The following SEMA3A variants were observed in gnomAD, a reference collection of about 807,000 sequenced individuals.
The protein encoded by SEMA3A is semaphorin-3A.
SEMA3A carries 29 observed loss-of-function variants against 97.9 expected under a neutral mutation model. That is an observed-to-expected ratio of 0.30 (90% confidence interval 0.22 to 0.40). The LOEUF is 0.40. Ranked by LOEUF, SEMA3A falls within the 10% of genes least tolerant of loss-of-function variation. The pLI is 1.00. For synonymous variants in SEMA3A, 321 were observed against 323.7 expected, an observed-to-expected ratio of 0.99 and a Z score of 0.09; for missense variants, 763 against 951.3, an observed-to-expected ratio of 0.80 and a Z score of 2.60.
chr7:84,215,103 C>G (rs969376712), intron 3 of SEMA3A, among the ~76,000 whole-genome samples: 2 of 152,024 alleles, frequency 1.3e-5, no homozygotes, highest in Non-Finnish European at 2.9e-5. Flanking sequence ...GAACTCCTGA[C>G]CTCACGATTT....
intron 12 of SEMA3A, among the ~76,000 whole-genome samples, chr7:83,996,639 A>T (rs1325857800): frequency 6.6e-6 from 1 of 152,184 alleles, no homozygotes; most frequent in Admixed American, 6.6e-5. Flanking sequence ...AACACTTTTT[A>T]AAAGTATTTA....
At chr7:84,296,306 T>C (rs922536943) in intron 3 of SEMA3A, among the ~76,000 whole-genome samples, 4 of 152,196 alleles carry the variant, frequency 2.6e-5, no homozygotes, top group African/African-American at 4.8e-5. Flanking sequence ...GATGTAATTA[T>C]ATCAAAATGG....
intron 4 of SEMA3A, among the ~76,000 whole-genome samples, chr7:84,095,148 A>G (rs1366237476): frequency 6.8e-6 from 1 of 147,786 alleles, no homozygotes; most frequent in African/African-American, 2.5e-5. Flanking sequence ...TGCATATTAT[A>G]TATTGTATAT....
Position 84,060,601 on chromosome 7 carries a change from A to G in SEMA3A, c.454-43T>C, listed in dbSNP as rs764284822. 4 of 1,313,236 alleles carry G rather than the reference A, an allele frequency of 3.0e-6. No homozygotes were observed. The South Asian group carries it at 6.0e-5, about 20-fold the overall frequency. 81.3% of individuals were successfully genotyped at this position (1,313,236 alleles called of 1,614,324 possible). A position where few individuals can be genotyped will look rare whatever the true frequency, so the allele number is the denominator to read the frequency against. On this transcript the variant is annotated intron_variant, in intron 4 of 16. Coordinates refer to ENST00000265362, the MANE Select transcript of SEMA3A (RefSeq NM_006080.3). ...AAAGAGAAAAGGGTTTCCTTTATAT[A>G]TAAAAATGAGTGTTTTCAACACATC...
At chr7:84,039,997 A>G (rs1014849028) in intron 6 of SEMA3A, among the ~76,000 whole-genome samples, 3 of 152,064 alleles carry the variant, frequency 2.0e-5, no homozygotes, top group African/African-American at 7.2e-5. Context: ...ATAGTAGAGT[A>G]GATATATGAA....
rs1169045665 is a variant in SEMA3A at position 84,391,578 on chromosome 7, AG to A, written c.-245-19679del. ...TGGAAATGTACTTCACTTCCAGGAC[AG>A]GATTTTCTGCTGTTATTATCTAGCA... On this transcript the variant is annotated intron_variant, in intron 1 of 3. Coordinates refer to the SEMA3A transcript ENST00000424555. 5.9e-5 allele frequency among the ~76,000 whole-genome samples: 9 copies of A among 152,260 alleles called. No homozygotes were observed. The South Asian group carries it at 1.7e-3, about 28-fold the overall frequency.
intron 1 of SEMA3A, among the ~76,000 whole-genome samples, chr7:84,447,159 C>T (rs1008711558): frequency 6.6e-6 from 1 of 152,202 alleles, no homozygotes; most frequent in Non-Finnish European, 1.5e-5. Flanking sequence ...ATGCCAGCCC[C>T]CTGCCGCTTC....
intron 12 of SEMA3A, among the ~76,000 whole-genome samples, chr7:83,987,212 T>C (rs740947): frequency 0.11 from 16,794 of 151,764 alleles, 1,425 homozygotes; most frequent in African/African-American, 0.23. Context: ...AAATCTTGTT[T>C]GCAGGTTTGG....
rs1788367492 is a variant in SEMA3A, at chr7:83,958,974, C to T, written c.*2397G>A. 6.6e-6 allele frequency: 1 copy of T among 152,062 alleles called. No individual in the cohort carries two copies. Among genetic ancestry groups the T allele is most frequent in the East Asian group, 1.9e-4 (1 of 5,176 alleles). 9.4% of individuals were successfully genotyped at this position (152,062 alleles called of 1,614,324 possible). ...AATAATTCTTTTTCGTGCAAACTGC[C>T]CCCTCTCAATACACATGGGCAGAGA... On this transcript the variant is annotated 3_prime_UTR_variant, in exon 17 of 17. Coordinates refer to ENST00000265362, the MANE Select transcript of SEMA3A (RefSeq NM_006080.3).
intron 1 of SEMA3A, among the ~76,000 whole-genome samples, chr7:84,408,073 C>G (rs947661114): frequency 2.0e-5 from 3 of 152,150 alleles, no homozygotes; most frequent in Admixed American, 2.0e-4. Context: ...AGCTTCTGCA[C>G]AGCAAAGAAA....
intron 3 of SEMA3A, among the ~76,000 whole-genome samples, chr7:84,253,079 C>T (rs565069114): frequency 4.6e-5 from 7 of 151,930 alleles, no homozygotes; most frequent in South Asian, 4.2e-4. Flanking sequence ...GGTTTCACCA[C>T]GTTGGCTAGG....
chr7:84,308,746 C>T (rs566376530), intron 2 of SEMA3A, among the ~76,000 whole-genome samples: 2 of 151,964 alleles, frequency 1.3e-5, no homozygotes, highest in Non-Finnish European at 1.5e-5. Flanking sequence ...GGAAGCGGCA[C>T]TGAGGAGCAA....
intron 15 of SEMA3A, among the ~76,000 whole-genome samples, chr7:83,966,214 T>C: frequency 6.6e-6 from 1 of 152,170 alleles, no homozygotes; most frequent in Non-Finnish European, 1.5e-5. Context: ...TAAAAAATTA[T>C]TTCATTTGAT....
At chr7:84,435,859 A>C (rs1341781580) in intron 1 of SEMA3A, among the ~76,000 whole-genome samples, 3 of 152,204 alleles carry the variant, frequency 2.0e-5, no homozygotes, top group African/African-American at 7.2e-5. Context: ...AAGAGCCAGA[A>C]TAGCCAAAGC....
chr7:83,961,141 A>G lies in SEMA3A; in HGVS notation c.*230T>C. The G allele has an allele frequency of 1.8e-6, 1 of 545,704 alleles. No homozygotes were observed. Among genetic ancestry groups the G allele is most frequent in the Non-Finnish European group, 3.3e-6 (1 of 304,630 alleles). The allele number at this position is 545,704 out of a possible 1,614,324, so 33.8% of individuals were successfully genotyped here. A position where few individuals can be genotyped will look rare whatever the true frequency, so the allele number is the denominator to read the frequency against. On this transcript the variant is annotated 3_prime_UTR_variant, in exon 17 of 17. Transcript: ENST00000265362. Reference sequence around the variant, plus strand: ...AGGAAACATTAAGTCTGCTAAAGTGAACATCTGCATTCACCTGTGTTCTCT... The same window carrying G: ...AGGAAACATTAAGTCTGCTAAAGTGGACATCTGCATTCACCTGTGTTCTCT...
chr7:84,436,658 A>G (rs1434699282), intron 1 of SEMA3A, among the ~76,000 whole-genome samples: 2 of 152,112 alleles, frequency 1.3e-5, no homozygotes, highest in Admixed American at 1.3e-4. Context: ...TAAAAATTAT[A>G]TTTATGTTTG....
rs552352208 is a variant in SEMA3A, at chr7:84,378,591, G to A, written c.-245-6691C>T. On this transcript the variant is annotated intron_variant, in intron 1 of 3. Coordinates refer to the SEMA3A transcript ENST00000424555. ...GGGGCAAGGGGACGGATAGCATTAG[G>A]AGAAATACCTAATGTAGATGATGGG... Among the ~76,000 whole-genome samples, 17 of 152,186 alleles carry A rather than the reference G, an allele frequency of 1.1e-4. No individual in the cohort carries two copies. In the East Asian group the frequency reaches 3.1e-3, roughly 28 times the overall value.
At chr7:84,190,982 C>CACAT (rs1798021881) in intron 1 of SEMA3A, among the ~76,000 whole-genome samples, 1 of 149,722 alleles carries the variant, frequency 6.7e-6, no homozygotes, top group African/African-American at 2.4e-5. Context: ...CACACACACA[C>CACAT]ACAAATACTG....
chr7:84,154,691 CAAA>C (rs76502594), intron 1 of SEMA3A, among the ~76,000 whole-genome samples: 1 of 108,432 alleles, frequency 9.2e-6, no homozygotes, highest in Non-Finnish European at 2.1e-5. Flanking sequence ...AAAAAAAAAA[CAAA>C]AAAAAAAAAC....
Sources: allele counts gnomAD v4.1 joint callset (sites outside exome capture counted in the v4.1 genomes callset), GRCh38; gene constraint gnomAD v4.1.1; transcripts MANE v1.5; gene names NCBI Gene and HGNC (gene_info 2026-07-23, HGNC 2026-07-21).